CIAPIN1: variants seen among roughly 807,000 people sequenced by gnomAD.
The protein encoded by CIAPIN1 is anamorsin.
In CIAPIN1, 18 loss-of-function variants were observed where a neutral mutation model predicts 34.3. The observed-to-expected ratio is 0.52, with a 90% CI of 0.36 to 0.78. The LOEUF is 0.78. CIAPIN1 is among the 30% of genes least tolerant of loss of function. CIAPIN1 has a pLI of 0.00. For missense variants in CIAPIN1, 310 were observed against 372.5 expected (o/e 0.83, Z 1.38); for synonymous variants, 131 against 140.4 (o/e 0.93, Z 0.47).
chr16:57,431,032 G>A, intron 7 of CIAPIN1, 119 bp downstream of exon 7: 2 of 587,592 alleles, frequency 3.4e-6, no homozygotes, highest in South Asian at 5.2e-5. Flanking sequence ...TGCAGAGATG[G>A]TCTCCCTGTG....
intron 1 of CIAPIN1, among the ~76,000 whole-genome samples, chr16:57,443,665 A>G (rs546921692): frequency 1.3e-5 from 2 of 152,200 alleles, no homozygotes; most frequent in Admixed American, 1.3e-4. Context: ...TGGCCAGGCT[A>G]TTCTCAAACT....
intron 1 of CIAPIN1, among the ~76,000 whole-genome samples, chr16:57,444,610 C>T (rs376590709): frequency 2.5e-4 from 38 of 152,310 alleles, no homozygotes; most frequent in African/African-American, 8.7e-4. Flanking sequence ...CTTTGCGTTC[C>T]GTATCTCCCA....
intron 3 of CIAPIN1, among the ~76,000 whole-genome samples, chr16:57,438,515 G>A (rs1231557438): frequency 3.3e-5 from 5 of 152,148 alleles, no homozygotes; most frequent in African/African-American, 9.7e-5. Context: ...TATGAAGACC[G>A]GGAAATTGAT....
At chr16:57,444,444 C>A (rs80259129) in intron 1 of CIAPIN1, among the ~76,000 whole-genome samples, 4,829 of 152,278 alleles carry the variant, frequency 0.032, 261 homozygotes, top group African/African-American at 0.11. Flanking sequence ...TCCTATAAAA[C>A]CCTGCTTCTC....
At position 57,437,206 on chromosome 16, in the gene CIAPIN1, T is replaced by C. The variant is rs372368503; in HGVS notation, c.311-474A>G. Reference sequence around the variant, plus strand: ...CTTGACTTAATGATGGTTCTACCTATAATTTTTCAACTTTTATGATAGTAT... The same window carrying C: ...CTTGACTTAATGATGGTTCTACCTACAATTTTTCAACTTTTATGATAGTAT... On this transcript the variant is annotated intron_variant, in intron 3 of 8. Coordinates refer to ENST00000394391, the MANE Select transcript of CIAPIN1 (RefSeq NM_020313.4). Among the ~76,000 whole-genome samples the C allele has an allele frequency of 3.9e-5, 6 of 152,362 alleles. No homozygotes were observed. The East Asian group carries it at 7.7e-4, about 20-fold the overall frequency.
rs1450394701 is a variant in CIAPIN1, at chr16:57,428,288, A to G, written c.*882T>C. The G allele has an allele frequency of 6.6e-6, 1 of 152,196 alleles. No homozygotes were observed. The highest frequency in any genetic ancestry group is 1.5e-5 in the Non-Finnish European group (1 of 68,036). The allele number at this position is 152,196 out of a possible 1,614,324, so 9.4% of individuals were successfully genotyped here. ...TTGGCAAGATTGATTCCAAGTCCATATGGGTGGATAACAAGAACAAAGGGG... is the reference window on the plus strand; with the variant it reads ...TTGGCAAGATTGATTCCAAGTCCATGTGGGTGGATAACAAGAACAAAGGGG... On this transcript the variant is annotated 3_prime_UTR_variant, in exon 9 of 9. Coordinates refer to ENST00000394391, the MANE Select transcript of CIAPIN1 (RefSeq NM_020313.4).
At chr16:57,445,178 T>C (rs1229974283) in intron 1 of CIAPIN1, among the ~76,000 whole-genome samples, 1 of 152,206 alleles carries the variant, frequency 6.6e-6, no homozygotes, top group Non-Finnish European at 1.5e-5. Flanking sequence ...GTTCCAAGAA[T>C]ACTGACAGTT....
chr16:57,432,495 C>T lies in CIAPIN1; in HGVS notation c.622G>A (p.Asp208Asn), dbSNP rs753011617. ...CAATGCTGCCAGCTCACCATGCTGT[C>T]GTCCTCCATATCGTTGGCTGAGAGG... is the stretch of plus-strand genomic sequence containing the variant. Reference protein sequence around the residue: ...WTLSANDMEDDSMDLIDSDEL... With the variant: ...WTLSANDMEDNSMDLIDSDEL... Residue 208 changes from aspartate (D) to asparagine (N), a missense_variant, in exon 6 of 9, where the codon GAC becomes AAC. Asp to Asn is a conservative substitution (Grantham distance 23). Transcript: ENST00000394391. 18 of 1,613,678 alleles carry T rather than the reference C, an allele frequency of 1.1e-5. No homozygotes were observed. The highest frequency in any genetic ancestry group is 1.7e-5 in the Admixed American group (1 of 60,016).
At chr16:57,442,502 A>G (rs1311355831) in intron 1 of CIAPIN1, among the ~76,000 whole-genome samples, 1 of 152,162 alleles carries the variant, frequency 6.6e-6, no homozygotes, top group Non-Finnish European at 1.5e-5. Flanking sequence ...CTCTACTAAA[A>G]ATACAAAAAT....
At chr16:57,446,805 C>T (rs2030094366) in intron 1 of CIAPIN1, among the ~76,000 whole-genome samples, 1 of 152,258 alleles carries the variant, frequency 6.6e-6, no homozygotes, top group Non-Finnish European at 1.5e-5. Flanking sequence ...AACAAGCATC[C>T]TTCCGATCTG....
chr16:57,443,340 T>C (rs1598030292), intron 1 of CIAPIN1, among the ~76,000 whole-genome samples: 1 of 152,216 alleles, frequency 6.6e-6, no homozygotes, highest in East Asian at 1.9e-4. Context: ...GGTTTCTCCA[T>C]GTTGGTCAGG....
chr16:57,438,426 C>CA (rs1327444857), intron 3 of CIAPIN1, among the ~76,000 whole-genome samples: 5 of 151,786 alleles, frequency 3.3e-5, no homozygotes, highest in African/African-American at 7.3e-5. Flanking sequence ...TTGGAAAAAA[C>CA]AAAAAAAAGT....
chr16:57,442,113 A>G (rs1483934234), intron 1 of CIAPIN1, among the ~76,000 whole-genome samples: 2 of 152,212 alleles, frequency 1.3e-5, no homozygotes, highest in African/African-American at 4.8e-5. Flanking sequence ...TAGGAAGCCG[A>G]GCCAGGCGAA....
Position 57,432,580 on chromosome 16 carries a change from G to T in CIAPIN1, c.557-20C>A. ...GTTTCACTGAGTCCAAGCAATAAAA[G>T]AAAAAACTCCATAAACACAGTCAGA... On this transcript the variant is annotated intron_variant, in intron 5 of 8. Coordinates refer to ENST00000394391, the MANE Select transcript of CIAPIN1 (RefSeq NM_020313.4). The T allele has an allele frequency of 6.2e-7, 1 of 1,603,416 alleles. No individual in the cohort carries two copies. The highest frequency in any genetic ancestry group is 8.5e-7 in the Non-Finnish European group (1 of 1,174,104).
At chr16:57,444,758 C>T (rs1294843480) in intron 1 of CIAPIN1, among the ~76,000 whole-genome samples, 1 of 152,070 alleles carries the variant, frequency 6.6e-6, no homozygotes, top group Non-Finnish European at 1.5e-5. Flanking sequence ...TATCTAAAGC[C>T]AAAGTGTGAT....
In CIAPIN1 at chr16:57,437,823, G is replaced by A. The variant is rs139537626; in HGVS notation, c.311-1091C>T. On this transcript the variant is annotated intron_variant, in intron 3 of 8. Coordinates refer to ENST00000394391, the MANE Select transcript of CIAPIN1 (RefSeq NM_020313.4). ...TTACAGGTGTGAGCCACTGTGCCTG[G>A]CCATAGCGATACTATTTTAATTTGA... 1.1e-4 allele frequency among the ~76,000 whole-genome samples: 17 copies of A among 152,182 alleles called. No individual in the cohort carries two copies. The East Asian group carries it at 2.3e-3, about 21-fold the overall frequency.
intron 1 of CIAPIN1, among the ~76,000 whole-genome samples, chr16:57,443,976 T>C (rs1034958769): frequency 1.1e-4 from 16 of 152,126 alleles, no homozygotes; most frequent in African/African-American, 3.6e-4. Context: ...AGGTTCTTCC[T>C]TGGGACAATA....
At chr16:57,437,512 TTTATTA>T (rs145423746) in intron 3 of CIAPIN1, among the ~76,000 whole-genome samples, 15 of 150,060 alleles carry the variant, frequency 1.0e-4, no homozygotes, top group African/African-American at 2.0e-4. Context: ...GTGATATTAT[TTTATTA>T]TTATTATTAT....
At chr16:57,433,888 T>C (rs1265427143) in intron 5 of CIAPIN1, 156 bp downstream of exon 5, 5 of 679,068 alleles carry the variant, frequency 7.4e-6, no homozygotes, top group African/African-American at 1.8e-5. Context: ...AATATGCCCA[T>C]GATAATAGTA....
Sources: allele counts gnomAD v4.1 joint callset (sites outside exome capture counted in the v4.1 genomes callset), GRCh38; gene constraint gnomAD v4.1.1; transcripts MANE v1.5; gene names NCBI Gene and HGNC (gene_info 2026-07-23, HGNC 2026-07-21).